The following PDE4B variants were observed in gnomAD, a reference collection of about 807,000 sequenced individuals.
PDE4B encodes the protein phosphodiesterase 4B.
A neutral mutation model predicts 82.2 loss-of-function variants in PDE4B; 20 were observed. The observed-to-expected ratio is 0.24, with a 90% confidence interval of 0.17 to 0.35. PDE4B has a LOEUF of 0.35. PDE4B is among the 10% of genes least tolerant of loss of function. The pLI is 1.00. For synonymous variants in PDE4B, 320 were observed against 318.9 expected, an observed-to-expected ratio of 1.00 and a Z score of -0.04; for missense variants, 655 against 907.2, an observed-to-expected ratio of 0.72 and a Z score of 3.57.
chr1:65,855,241 T>G (rs1646379787), intron 1 of PDE4B, among the ~76,000 whole-genome samples: 3 of 151,976 alleles, frequency 2.0e-5, no homozygotes, highest in Admixed American at 6.6e-5. Flanking sequence ...ATTTTCCAGT[T>G]TCTTTTCCAT....
intron 3 of PDE4B, among the ~76,000 whole-genome samples, chr1:66,029,282 C>T (rs114397736): frequency 1.2e-3 from 176 of 152,242 alleles, no homozygotes; most frequent in Middle Eastern, 0.01. Context: ...TGGGTAAGAC[C>T]GGCTCCTGTG....
At chr1:66,211,388 GCTT>G (rs1650037327) in intron 3 of PDE4B, among the ~76,000 whole-genome samples, 2 of 152,118 alleles carry the variant, frequency 1.3e-5, no homozygotes, top group Admixed American at 1.3e-4. Flanking sequence ...AGCTGATGAT[GCTT>G]CTTTCTAATT....
chr1:65,993,225 C>T (rs1651345359), intron 3 of PDE4B: 1 of 1,084,186 alleles, frequency 9.2e-7, no homozygotes, highest in Non-Finnish European at 1.3e-6. Flanking sequence ...GAAAATGGAA[C>T]ATTTGAGTTT....
chr1:66,049,889 A>G (rs1337726913), intron 3 of PDE4B, among the ~76,000 whole-genome samples: 6 of 152,034 alleles, frequency 3.9e-5, no homozygotes, highest in African/African-American at 1.4e-4. Context: ...CTTTTGCTTT[A>G]GAGATGAAAA....
chr1:66,364,715 G>T (rs370137468), intron 12 of PDE4B, among the ~76,000 whole-genome samples: 15 of 152,324 alleles, frequency 9.8e-5, no homozygotes, highest in African/African-American at 3.4e-4. Context: ...AAAGAGTACT[G>T]TTTTTATACC....
intron 3 of PDE4B, among the ~76,000 whole-genome samples, chr1:65,942,598 C>G (rs560192619): frequency 7.2e-5 from 11 of 152,032 alleles, no homozygotes; most frequent in Admixed American, 6.6e-4. Flanking sequence ...TTTGAGAAAA[C>G]TTTCTACTGT....
intron 1 of PDE4B, among the ~76,000 whole-genome samples, chr1:65,878,378 T>G (rs1445659674): frequency 6.6e-6 from 1 of 152,236 alleles, no homozygotes; most frequent in Non-Finnish European, 1.5e-5. Context: ...ATCCCATTAC[T>G]GGGTATGTAC....
intron 3 of PDE4B, among the ~76,000 whole-genome samples, chr1:66,195,874 T>C (rs1648257729): frequency 6.6e-6 from 1 of 151,966 alleles, no homozygotes; most frequent in Admixed American, 6.6e-5. Context: ...ATTGAATTTA[T>C]TTCCAAGAGT....
chr1:66,254,706 T>C (rs1654055383), intron 4 of PDE4B, among the ~76,000 whole-genome samples: 1 of 152,222 alleles, frequency 6.6e-6, no homozygotes, highest in South Asian at 2.1e-4. Flanking sequence ...TTCACTGTTT[T>C]CTCAGATATC....
At chr1:66,297,935 G>A (rs571451935) in intron 7 of PDE4B, among the ~76,000 whole-genome samples, 12 of 152,214 alleles carry the variant, frequency 7.9e-5, no homozygotes, top group African/African-American at 2.6e-4. Flanking sequence ...ATATGACTAG[G>A]TTGGTGAACA....
intron 3 of PDE4B, among the ~76,000 whole-genome samples, chr1:65,936,704 G>A (rs527923729): frequency 2.6e-5 from 4 of 152,222 alleles, no homozygotes; most frequent in East Asian, 3.9e-4. Context: ...ATTGGCCTAG[G>A]GACCACATTT....
intron 3 of PDE4B, among the ~76,000 whole-genome samples, chr1:65,927,597 G>A (rs1215914885): frequency 6.6e-6 from 1 of 151,146 alleles, no homozygotes; most frequent in Non-Finnish European, 1.5e-5. Context: ...CTTATGATAA[G>A]GCACTGTCAT....
At chr1:66,171,376 A>T (rs906446951) in intron 3 of PDE4B, among the ~76,000 whole-genome samples, 2 of 152,200 alleles carry the variant, frequency 1.3e-5, no homozygotes, top group African/African-American at 4.8e-5. Flanking sequence ...AAAATATAAA[A>T]GGAAGCATTT....
intron 3 of PDE4B, among the ~76,000 whole-genome samples, chr1:65,974,159 G>A (rs180852411): frequency 1.1e-4 from 16 of 151,784 alleles, no homozygotes; most frequent in African/African-American, 3.9e-4. Context: ...GATCACGGTT[G>A]CCCTCTTTTC....
At chr1:66,124,404 TC>T (rs1228377553) in intron 3 of PDE4B, among the ~76,000 whole-genome samples, 1 of 152,216 alleles carries the variant, frequency 6.6e-6, no homozygotes, top group Non-Finnish European at 1.5e-5. Context: ...TATAAATTAT[TC>T]AATTGGACAC....
chr1:66,332,752 AG>A (rs1660221959), intron 8 of PDE4B, 132 bp downstream of exon 8: 3 of 735,012 alleles, frequency 4.1e-6, no homozygotes, highest in Non-Finnish European at 6.6e-6. Context: ...TTTGTCTAGA[AG>A]ATTCTCTTCC....
intron 7 of PDE4B, among the ~76,000 whole-genome samples, chr1:66,285,057 A>G (rs1656573321): frequency 6.6e-6 from 1 of 152,196 alleles, no homozygotes. Context: ...CTCCTCATCT[A>G]TATAGCAAGC....
At chr1:66,010,230 T>C (rs949524015) in intron 3 of PDE4B, among the ~76,000 whole-genome samples, 3 of 151,982 alleles carry the variant, frequency 2.0e-5, no homozygotes, top group East Asian at 1.9e-4. Flanking sequence ...TAATTTAAAA[T>C]ATTATGTGAT....
At chr1:66,009,899 G>T (rs1652374085) in intron 3 of PDE4B, among the ~76,000 whole-genome samples, 1 of 124,712 alleles carries the variant, frequency 8.0e-6, no homozygotes, top group African/African-American at 3.1e-5. Context: ...CATATGATCT[G>T]TATCTTTATC....
Sources: gnomAD v4.1 joint callset for allele counts (sites outside exome capture counted in the v4.1 genomes callset) on GRCh38, gnomAD v4.1.1 for gene constraint, MANE v1.5 for transcripts, NCBI Gene and HGNC (gene_info 2026-07-23, HGNC 2026-07-21) for gene names.